Variants in MARCHF1 observed in about 807,000 individuals in gnomAD.
MARCHF1 encodes membrane associated ring-CH-type finger 1.
A neutral mutation model predicts 54.2 loss-of-function variants in MARCHF1; 40 were observed. The observed-to-expected ratio is 0.74, with a 90% CI of 0.57 to 0.96. The LOEUF is 0.96. Among genes scored for constraint, MARCHF1 ranks in the 40% least tolerant of loss-of-function variants. The pLI, the probability that MARCHF1 is intolerant of heterozygous loss-of-function variation, is 0.00. For missense variants in MARCHF1, 586 were observed against 656.5 expected (o/e 0.89, Z 1.17); for synonymous variants, 236 against 236.3 (o/e 1.00, Z 0.01).
At position 163,851,602 on chromosome 4, in the gene MARCHF1, T is replaced by A. The variant is rs201703807; in HGVS notation, c.111+2419A>T. Among the ~76,000 whole-genome samples the A allele has an allele frequency of 5.2e-3, 792 of 152,334 alleles. 23 individuals are homozygous for A. In the East Asian group the frequency reaches 0.07, roughly 13 times the overall value. ...GTCACTCGTGAAGAGTAATAATCTCTTTTCTGGAGATAATGGAACATGACA... is the reference window on the plus strand; with the variant it reads ...GTCACTCGTGAAGAGTAATAATCTCATTTCTGGAGATAATGGAACATGACA... On this transcript the variant is annotated intron_variant, in intron 4 of 9. Transcript: ENST00000514618.
chr4:163,804,415 C>T (rs1226997867), intron 4 of MARCHF1, among the ~76,000 whole-genome samples: 2 of 152,134 alleles, frequency 1.3e-5, no homozygotes, highest in African/African-American at 2.4e-5. Flanking sequence ...TACTAAAAGA[C>T]TCCTGGGCTG....
rs1740334422 is a variant in MARCHF1 at position 163,584,267 on chromosome 4, A to G, written c.1191+1482T>C. ...TATTATCCTAGATCGTGGCCCTCAAATTAAAATACTGTATTTGACAAAGTT... is the reference window on the plus strand; with the variant it reads ...TATTATCCTAGATCGTGGCCCTCAAGTTAAAATACTGTATTTGACAAAGTT... On this transcript the variant is annotated intron_variant, in intron 8 of 9. Coordinates refer to ENST00000514618, the MANE Select transcript of MARCHF1 (RefSeq NM_001394959.1). The G allele has an allele frequency of 3.3e-5, 5 of 152,208 alleles. No homozygotes were observed. The South Asian group carries it at 1.0e-3, about 32-fold the overall frequency. The allele number at this position is 152,208 out of a possible 1,614,324, so 9.4% of individuals were successfully genotyped here. A position where few individuals can be genotyped will look rare whatever the true frequency, so the allele number is the denominator to read the frequency against.
intron 3 of MARCHF1, among the ~76,000 whole-genome samples, chr4:163,979,890 T>A (rs1752727135): frequency 6.6e-6 from 1 of 152,220 alleles, no homozygotes; most frequent in Admixed American, 6.5e-5. Flanking sequence ...TCTTGTAAAT[T>A]TGGTTGAGTT....
chr4:163,946,912 A>G (rs1752037140), intron 3 of MARCHF1, among the ~76,000 whole-genome samples: 1 of 152,232 alleles, frequency 6.6e-6, no homozygotes, highest in African/African-American at 2.4e-5. Context: ...CACCATTAGA[A>G]TACCCTATCA....
Position 164,232,684 on chromosome 4 carries a change from T to C in MARCHF1, c.-322-121022A>G, listed in dbSNP as rs370719151. 4.7e-4 allele frequency among the ~76,000 whole-genome samples: 72 copies of C among 152,308 alleles called. 1 individual carries two copies. The highest frequency in any genetic ancestry group is 1.7e-3 in the African/African-American group (70 of 41,572). On this transcript the variant is annotated intron_variant, in intron 1 of 9. Coordinates refer to ENST00000514618, the MANE Select transcript of MARCHF1 (RefSeq NM_001394959.1). ...TCATACATTAAAACTCCATACCTTG[T>C]ATGGTATCATATCAAAAATGCTTTA... is the stretch of plus-strand genomic sequence containing the variant.
At position 163,656,740 on chromosome 4, in the gene MARCHF1, G is replaced by C. The variant is rs151144285; in HGVS notation, c.163-43347C>G. Among the ~76,000 whole-genome samples, 1,316 of 152,152 alleles carry C rather than the reference G, an allele frequency of 8.6e-3. 11 individuals carry two copies. The highest frequency in any genetic ancestry group is 0.016 in the Non-Finnish European group (1,061 of 67,966). The stretch of plus-strand genomic sequence containing the variant: ...GTTGCCTTCATCCCCAGGATGCAAG[G>C]CTGGTTCAACATACACAAATCAATA... On this transcript the variant is annotated intron_variant, in intron 5 of 9. Coordinates refer to ENST00000514618, the MANE Select transcript of MARCHF1 (RefSeq NM_001394959.1).
chr4:163,953,482 CTT>C (rs1257407374), intron 3 of MARCHF1, among the ~76,000 whole-genome samples: 1 of 152,124 alleles, frequency 6.6e-6, no homozygotes. Flanking sequence ...TTCACAATGA[CTT>C]TTAGTTCTCT....
intron 4 of MARCHF1, among the ~76,000 whole-genome samples, chr4:163,816,277 A>T (rs566172847): frequency 6.6e-6 from 1 of 152,324 alleles, no homozygotes; most frequent in South Asian, 2.1e-4. Flanking sequence ...ATTACTTTTC[A>T]TACAGTCCTA....
chr4:163,701,833 C>G (rs1451559814), intron 4 of MARCHF1, among the ~76,000 whole-genome samples: 1 of 125,116 alleles, frequency 8.0e-6, no homozygotes, highest in Non-Finnish European at 1.9e-5. Flanking sequence ...GTAAGAATTC[C>G]TTTTGTTTTT....
intron 1 of MARCHF1, among the ~76,000 whole-genome samples, chr4:164,341,370 T>G (rs1729923660): frequency 6.6e-6 from 1 of 151,616 alleles, no homozygotes; most frequent in African/African-American, 2.4e-5. Context: ...CCTCTACCAC[T>G]TCTATTCAAC....
At chr4:164,196,870 A>G in intron 1 of MARCHF1, 1 of 1,050,566 alleles carries the variant, frequency 9.5e-7, no homozygotes, top group Non-Finnish European at 1.4e-6. Flanking sequence ...GCAATGTTAC[A>G]ATCAGAAAAA....
rs1048129565 is a variant in MARCHF1, at chr4:164,367,901, A to G, written c.-323+15969T>C. Among the ~76,000 whole-genome samples, 3 of 151,912 alleles carry G rather than the reference A, an allele frequency of 2.0e-5. No homozygotes were observed. The South Asian group carries it at 6.2e-4, about 31-fold the overall frequency. On this transcript the variant is annotated intron_variant, in intron 1 of 9. Coordinates refer to ENST00000514618, the MANE Select transcript of MARCHF1 (RefSeq NM_001394959.1). The stretch of plus-strand genomic sequence containing the variant: ...ATCTTTTGTATCTCCATCATCTCTT[A>G]AGTCCAATATTCAAACACTATATGT...
intron 1 of MARCHF1, among the ~76,000 whole-genome samples, chr4:164,136,971 A>G (rs1756416071): frequency 6.6e-6 from 1 of 152,212 alleles, no homozygotes; most frequent in African/African-American, 2.4e-5. Flanking sequence ...GACTTTTGAC[A>G]CATCAATTTC....
chr4:164,202,202 G>A (rs1436056012), intron 1 of MARCHF1, among the ~76,000 whole-genome samples: 1 of 152,222 alleles, frequency 6.6e-6, no homozygotes, highest in Non-Finnish European at 1.5e-5. Flanking sequence ...GCTTGCCCAA[G>A]AAACTGTCAT....
intron 1 of MARCHF1, among the ~76,000 whole-genome samples, chr4:164,295,465 CACAA>C (rs1249758533): frequency 7.2e-6 from 1 of 138,516 alleles, no homozygotes; most frequent in African/African-American, 2.6e-5. Flanking sequence ...CACACACACA[CACAA>C]CATACACTCT....
intron 3 of MARCHF1, among the ~76,000 whole-genome samples, chr4:163,907,962 C>T (rs1751107983): frequency 6.6e-6 from 1 of 152,066 alleles, no homozygotes; most frequent in Non-Finnish European, 1.5e-5. Flanking sequence ...TATTATTGCA[C>T]CCCTCTAAAA....
rs562836216 is a variant in MARCHF1 at position 164,287,153 on chromosome 4, T to TTA, written c.-323+96715_-323+96716dup. 5.7e-3 allele frequency among the ~76,000 whole-genome samples: 848 copies of TTA among 148,506 alleles called. 9 individuals are homozygous for TTA. Among genetic ancestry groups the TTA allele is most frequent in the South Asian group, 0.019 (88 of 4,746 alleles). On this transcript the variant is annotated intron_variant, in intron 1 of 9. Transcript: ENST00000514618. ...ATATATAACTATAGAATTTTATGTTTTATATATATATATAATAAATGAAGT... is the reference window on the plus strand; with the variant it reads ...ATATATAACTATAGAATTTTATGTTTTATATATATATATATAATAAATGAAGT...
At chr4:163,761,334 A>AT in intron 4 of MARCHF1, among the ~76,000 whole-genome samples, 1 of 152,342 alleles carries the variant, frequency 6.6e-6, no homozygotes, top group South Asian at 2.1e-4. Context: ...GAAGATGGAT[A>AT]TAAAATAGTA....
chr4:163,875,549 C>T (rs562365925), intron 3 of MARCHF1, among the ~76,000 whole-genome samples: 55 of 152,190 alleles, frequency 3.6e-4, no homozygotes, highest in African/African-American at 1.3e-3. Context: ...CTATCTTGCT[C>T]GGTGACAGAA....
Sources: allele counts gnomAD v4.1 joint callset (sites outside exome capture counted in the v4.1 genomes callset), GRCh38; gene constraint gnomAD v4.1.1; transcripts MANE v1.5; gene names NCBI Gene and HGNC (gene_info 2026-07-23, HGNC 2026-07-21).